BCL2L13: variants seen among roughly 807,000 people sequenced by gnomAD.
The protein encoded by BCL2L13 is BCL2 like 13.
A neutral mutation model predicts 25.8 loss-of-function variants in BCL2L13; 13 were observed. That is an observed-to-expected ratio of 0.50 (90% CI 0.33 to 0.80). The LOEUF (loss-of-function observed/expected upper bound fraction) is 0.80. Among genes scored for constraint, BCL2L13 ranks in the 30% least tolerant of loss-of-function variants. BCL2L13 has a pLI of 0.02. For synonymous variants in BCL2L13, 244 were observed against 230.3 expected (o/e 1.06, Z -0.54); for missense variants, 504 against 574.9 (o/e 0.88, Z 1.26).
intron 1 of BCL2L13, among the ~76,000 whole-genome samples, chr22:17,646,559 T>C (rs1234703141): frequency 6.7e-6 from 1 of 149,968 alleles, no homozygotes; most frequent in East Asian, 1.9e-4. Flanking sequence ...AAGATAGCAA[T>C]TTTTATAGTT....
At chr22:17,662,351 G>A (rs1267119350) in intron 2 of BCL2L13, among the ~76,000 whole-genome samples, 2 of 151,992 alleles carry the variant, frequency 1.3e-5, no homozygotes, top group East Asian at 3.9e-4. Context: ...GGTGGCAGGT[G>A]CCTGTAGTCC....
chr22:17,666,950 G>T (rs1281419428), intron 2 of BCL2L13, among the ~76,000 whole-genome samples: 3 of 152,242 alleles, frequency 2.0e-5, no homozygotes, highest in East Asian at 3.9e-4. Flanking sequence ...CTCCCAAAGT[G>T]CTGGGATTAC....
intron 6 of BCL2L13, among the ~76,000 whole-genome samples, chr22:17,723,689 C>T (rs2061213506): frequency 6.6e-6 from 1 of 152,168 alleles, no homozygotes; most frequent in African/African-American, 2.4e-5. Context: ...AATCCCAGCA[C>T]TTTGGGAGGC....
rs1370666152 is a variant in BCL2L13 at position 17,708,963 on chromosome 22, T to C, written c.600+6577T>C. ...TTATTAAGAGAGGCTCGGCCGAGCA[T>C]GGTGGCTAACGCCTGTAATACCAGC... On this transcript the variant is annotated intron_variant, in intron 6 of 6. Transcript: ENST00000317582. 5.3e-5 allele frequency among the ~76,000 whole-genome samples: 8 copies of C among 152,280 alleles called. No individual in the cohort carries two copies. The South Asian group carries it at 6.2e-4, about 12-fold the overall frequency.
In BCL2L13 at chr22:17,693,992, A is replaced by C. The variant is rs557813777; in HGVS notation, c.387-2149A>C. 8.6e-4 allele frequency among the ~76,000 whole-genome samples: 131 copies of C among 151,982 alleles called. 1 individual carries two copies. Among genetic ancestry groups the C allele is most frequent in the African/African-American group, 3.0e-3 (124 of 41,452 alleles). Reference sequence around the variant, plus strand: ...AGGCTGATCTTGAATTCCTGACTTCAAGCGATCCACCTGCCTTGGCCTCCC... The same window carrying C: ...AGGCTGATCTTGAATTCCTGACTTCCAGCGATCCACCTGCCTTGGCCTCCC... On this transcript the variant is annotated intron_variant, in intron 4 of 6. Coordinates refer to ENST00000317582, the MANE Select transcript of BCL2L13 (RefSeq NM_015367.4).
intron 6 of BCL2L13, among the ~76,000 whole-genome samples, chr22:17,707,181 GA>G (rs10711500): frequency 0.34 from 52,003 of 151,982 alleles, 9,757 homozygotes; most frequent in African/African-American, 0.45. Context: ...ACTGTTTTGG[GA>G]AAATCTGCCT....
Position 17,727,633 on chromosome 22 carries a change from C to G in BCL2L13, c.*99C>G, listed in dbSNP as rs2061333724. 2 of 1,506,898 alleles carry G rather than the reference C, an allele frequency of 1.3e-6. No homozygotes were observed. Among genetic ancestry groups the G allele is most frequent in the Admixed American group, 1.9e-5 (1 of 52,388 alleles). The allele number at this position is 1,506,898 out of a possible 1,614,324, so 93.3% of individuals were successfully genotyped here. On this transcript the variant is annotated 3_prime_UTR_variant, in exon 7 of 7. Transcript: ENST00000317582. ...GCTGTCTGGACATTTGTGGAACACTCTGGGATAATTGGGGACTTCTGCTCA... is the reference window on the plus strand; with the variant it reads ...GCTGTCTGGACATTTGTGGAACACTGTGGGATAATTGGGGACTTCTGCTCA...
chr22:17,668,495 C>G (rs1020537797), intron 2 of BCL2L13, among the ~76,000 whole-genome samples: 1 of 151,500 alleles, frequency 6.6e-6, no homozygotes, highest in Non-Finnish European at 1.5e-5. Flanking sequence ...CTCTGTCGCC[C>G]AGGCTGGAGT....
intron 4 of BCL2L13, among the ~76,000 whole-genome samples, chr22:17,689,632 C>T (rs1190867685): frequency 6.6e-6 from 1 of 151,668 alleles, no homozygotes. Flanking sequence ...ATTATGAGGT[C>T]AGGAGTTCAA....
At chr22:17,629,425 A>T (rs895281219) in intron 1 of BCL2L13, among the ~76,000 whole-genome samples, 1 of 147,918 alleles carries the variant, frequency 6.8e-6, no homozygotes, top group Non-Finnish European at 1.5e-5. Flanking sequence ...TACATAATTT[A>T]TTTGGAACTT....
intron 2 of BCL2L13, among the ~76,000 whole-genome samples, chr22:17,674,027 C>T (rs1029206121): frequency 1.3e-5 from 2 of 152,064 alleles, no homozygotes; most frequent in African/African-American, 2.4e-5. Flanking sequence ...GGAAGTATAT[C>T]CCAAAGTGTT....
At chr22:17,638,387 T>G (rs1469871707), upstream of BCL2L13, 1 of 292,154 alleles carries the variant, frequency 3.4e-6, no homozygotes, top group Non-Finnish European at 6.3e-6. Flanking sequence ...CGTGACTGTG[T>G]AGATACTTAT....
intron 2 of BCL2L13, among the ~76,000 whole-genome samples, chr22:17,681,415 C>T (rs540430342): frequency 2.5e-4 from 38 of 151,296 alleles, no homozygotes; most frequent in South Asian, 1.5e-3. Context: ...AGGAGAATGG[C>T]GTGAACCTGG....
chr22:17,666,431 A>ATTATTTAT (rs1017673837), intron 2 of BCL2L13, among the ~76,000 whole-genome samples: 2 of 151,860 alleles, frequency 1.3e-5, no homozygotes, highest in South Asian at 4.1e-4. Flanking sequence ...GGTCTTAGTC[A>ATTATTTAT]TTATTTATTT....
intron 2 of BCL2L13, among the ~76,000 whole-genome samples, chr22:17,664,464 T>C (rs919910603): frequency 6.6e-6 from 1 of 152,124 alleles, no homozygotes; most frequent in Non-Finnish European, 1.5e-5. Flanking sequence ...CTGTGGCTCT[T>C]CCCGGTGCAC....
At chr22:17,691,301 A>T (rs745798748) in intron 4 of BCL2L13, among the ~76,000 whole-genome samples, 1 of 152,222 alleles carries the variant, frequency 6.6e-6, no homozygotes, top group Admixed American at 6.5e-5. Flanking sequence ...TGTAAAAGTT[A>T]TCTGGACCAG....
rs539074202 is a variant in BCL2L13 at position 17,727,280 on chromosome 22, C to T, written c.1204C>T (p.Leu402=). 9.9e-6 allele frequency: 16 copies of T among 1,614,132 alleles called. No homozygotes were observed. Among genetic ancestry groups the T allele is most frequent in the Non-Finnish European group, 1.4e-5 (16 of 1,180,060 alleles). The part of the protein sequence containing the change: ...PTEVEEVVPA[L]EPTETLLSEK... ...TGAAGTGGAGGAGGTGGTCCCCGCA[C>T]TGGAACCCACAGAAACGCTGCTGAG... Residue 402 remains leucine, a synonymous_variant, in exon 7 of 7, where the codon CTG becomes TTG. Transcript: ENST00000317582.
At chr22:17,690,684 G>A (rs1403283735) in intron 4 of BCL2L13, among the ~76,000 whole-genome samples, 4 of 152,106 alleles carry the variant, frequency 2.6e-5, no homozygotes, top group African/African-American at 9.7e-5. Flanking sequence ...GATCACTTGA[G>A]CCCAATAGTT....
upstream of BCL2L13, among the ~76,000 whole-genome samples, chr22:17,634,685 G>T (rs2058077081): frequency 6.6e-6 from 1 of 152,092 alleles, no homozygotes; most frequent in Non-Finnish European, 1.5e-5. Flanking sequence ...GCTGGCACCT[G>T]TAATCCTAGC....
Sources: allele counts gnomAD v4.1 joint callset (sites outside exome capture counted in the v4.1 genomes callset), GRCh38; gene constraint gnomAD v4.1.1; transcripts MANE v1.5; gene names NCBI Gene and HGNC (gene_info 2026-07-23, HGNC 2026-07-21).